The following NECAB2 variants were observed in gnomAD, a reference collection of about 807,000 sequenced individuals.
NECAB2 encodes the protein N-terminal EF-hand calcium-binding protein 2.
In NECAB2, 68 loss-of-function variants were observed where a neutral mutation model predicts 51.9. The ratio of observed to expected loss-of-function variants is 1.31; its 90% CI spans 1.08 to 1.60. The LOEUF (loss-of-function observed/expected upper bound fraction) is 1.60. Among genes scored for constraint, NECAB2 ranks in the 40% most tolerant of loss-of-function variants. The pLI is 0.00. For synonymous variants in NECAB2, 329 were observed against 203.5 expected (o/e 1.62, Z -5.25); for missense variants, 854 against 490.3 (o/e 1.74, Z -7.00).
chr16:83,972,257 A>G, intron 2 of NECAB2, 82 bp downstream of exon 2: 2 of 1,596,752 alleles, frequency 1.3e-6, no homozygotes, highest in Non-Finnish European at 1.7e-6. Context: ...GATAGGAGAC[A>G]AGCGCAACCT....
At chr16:83,992,377 T>TCCCCACCCCCCCCCC (rs1555548085) in intron 6 of NECAB2, among the ~76,000 whole-genome samples, 1 of 133,046 alleles carries the variant, frequency 7.5e-6, no homozygotes, top group African/African-American at 3.2e-5. Flanking sequence ...CGAGCACCCG[T>TCCCCACCCCCCCCCC]CCCCCCGCCC....
intron 11 of NECAB2, 57 bp from the exon 12 acceptor site, chr16:84,001,768 C>A: frequency 6.4e-7 from 1 of 1,573,470 alleles, no homozygotes; most frequent in Non-Finnish European, 8.7e-7. Flanking sequence ...AACAGGGGAG[C>A]CACACGCGGA....
At position 84,000,702 on chromosome 16, in the gene NECAB2, CCCCGA is replaced by C. The variant is rs2084812260; in HGVS notation, c.963-19_963-15del. On this transcript the variant is annotated splice_polypyrimidine_tract_variant and intron_variant, in intron 10 of 12. Transcript: ENST00000305202. ...CCTTGGTTGAGCTCCAGCCTCCTCC[CCCCGA>C]CCATCTCCTGTTGCAGCATCACTGC... 6.2e-7 allele frequency: 1 copy of C among 1,612,770 alleles called. No individual in the cohort carries two copies. The highest frequency in any genetic ancestry group is 2.2e-5 in the East Asian group (1 of 44,860).
chr16:83,974,095 C>T (rs112964751), intron 2 of NECAB2, among the ~76,000 whole-genome samples: 3 of 151,928 alleles, frequency 2.0e-5, no homozygotes, highest in African/African-American at 4.8e-5. Flanking sequence ...CCTCAAAGGC[C>T]GAGCCTGTTC....
chr16:83,994,095 C>A (rs967959409), intron 6 of NECAB2, among the ~76,000 whole-genome samples: 1 of 152,242 alleles, frequency 6.6e-6, no homozygotes, highest in African/African-American at 2.4e-5. Flanking sequence ...CGAATCCCAG[C>A]TCTGCCCAGC....
At chr16:83,976,092 C>T (rs2084406204) in intron 2 of NECAB2, among the ~76,000 whole-genome samples, 1 of 152,162 alleles carries the variant, frequency 6.6e-6, no homozygotes, top group Admixed American at 6.5e-5. Flanking sequence ...CCCAAGGTAC[C>T]TGGACAGGCA....
At chr16:83,978,694 C>A in intron 3 of NECAB2, 142 bp downstream of exon 3, 1 of 665,840 alleles carries the variant, frequency 1.5e-6, no homozygotes. Flanking sequence ...GAAGTCAGCT[C>A]TTCACTGCCT....
At chr16:83,967,752 G>GTGGATGGA (rs1223878998), upstream of NECAB2, among the ~76,000 whole-genome samples, 22 of 131,304 alleles carry the variant, frequency 1.7e-4, no homozygotes, top group Admixed American at 3.0e-4. Context: ...GGATGGGAGG[G>GTGGATGGA]TGGATGGATG....
intron 6 of NECAB2, among the ~76,000 whole-genome samples, chr16:83,991,323 C>G (rs2084622206): frequency 6.6e-6 from 1 of 151,174 alleles, no homozygotes; most frequent in African/African-American, 2.4e-5. Context: ...CTCTCTTTCT[C>G]TCATTCGTTC....
At chr16:83,972,060 A>G (rs2084354867) in intron 1 of NECAB2, 91 bp from the exon 2 acceptor site, 1 of 1,559,452 alleles carries the variant, frequency 6.4e-7, no homozygotes, top group Non-Finnish European at 8.8e-7. Flanking sequence ...TGCTCCTGGG[A>G]GAAGAGAAGG....
Position 84,001,556 on chromosome 16 carries a change from G to GAGGA in NECAB2, c.1041-269_1041-268insAGGA, listed in dbSNP as rs2084836408. On this transcript the variant is annotated intron_variant, in intron 11 of 12. Coordinates refer to ENST00000305202, the MANE Select transcript of NECAB2 (RefSeq NM_019065.3). ...AGGATGGCCCCACTCCTCCTGCTAG[G>GAGGA]GTAAAGGGGGAGGTAGAGGCTCTGT... Among the ~76,000 whole-genome samples, 3 of 152,208 alleles carry GAGGA rather than the reference G, an allele frequency of 2.0e-5. No homozygotes were observed. In the South Asian group the frequency reaches 6.2e-4, roughly 32 times the overall value.
intron 1 of NECAB2, among the ~76,000 whole-genome samples, 169 bp downstream of exon 1, chr16:83,969,018 C>A (rs2084320558): frequency 6.6e-6 from 1 of 151,378 alleles, no homozygotes; most frequent in Non-Finnish European, 1.5e-5. Context: ...CCCGCCACGT[C>A]CAGGCCGGTC....
chr16:83,997,316 G>T (rs1256981134), intron 9 of NECAB2, 47 bp downstream of exon 9: 5 of 1,611,094 alleles, frequency 3.1e-6, no homozygotes, highest in Non-Finnish European at 3.4e-6. Flanking sequence ...CCCTACCCAT[G>T]CCAGGACTGC....
At chr16:83,969,883 CCTTCCTCTCTCCT>C (rs1597190681) in intron 1 of NECAB2, among the ~76,000 whole-genome samples, 1 of 152,200 alleles carries the variant, frequency 6.6e-6, no homozygotes, top group East Asian at 1.9e-4. Flanking sequence ...GGATTCCCTC[CCTTCCTCTCTCCT>C]CTTCCCTGCT....
At chr16:83,996,233 C>A (rs74949485) in intron 8 of NECAB2, among the ~76,000 whole-genome samples, 3,379 of 152,304 alleles carry the variant, frequency 0.022, 74 homozygotes, top group East Asian at 0.075. Flanking sequence ...GGACCCCTCA[C>A]GTATGCTTGT....
chr16:83,981,109 C>T lies in NECAB2; in HGVS notation c.441C>T (p.Ala147=), dbSNP rs1363260484. 2.5e-6 allele frequency: 4 copies of T among 1,613,954 alleles called. No homozygotes were observed. Among genetic ancestry groups the T allele is most frequent in the Non-Finnish European group, 3.4e-6 (4 of 1,179,974 alleles). The part of the protein sequence containing the change: ...LETLNHSVLK[A]MGYTKKVYEG... The stretch of plus-strand genomic sequence containing the variant: ...CCTTGAATCACTCTGTCCTGAAGGC[C>T]ATGGGTTATACCAAGAAGGTCAGTG... The change falls in exon 5 of 13, where the codon GCC becomes GCT. Residue 147 remains alanine (A), a synonymous_variant. Transcript: ENST00000305202.
At chr16:83,991,587 T>C (rs1256166595) in intron 6 of NECAB2, among the ~76,000 whole-genome samples, 13 of 151,196 alleles carry the variant, frequency 8.6e-5, no homozygotes, top group Non-Finnish European at 1.5e-5. Context: ...GGCTGGTCTT[T>C]AGGGTGATCC....
chr16:83,999,986 A>AAAT, intron 10 of NECAB2, among the ~76,000 whole-genome samples: 1 of 152,214 alleles, frequency 6.6e-6, no homozygotes, highest in East Asian at 1.9e-4. Flanking sequence ...CAGAGGGTTT[A>AAAT]AATGAGTCTC....
intron 5 of NECAB2, among the ~76,000 whole-genome samples, chr16:83,987,730 G>C (rs1390827096): frequency 6.6e-6 from 1 of 151,750 alleles, no homozygotes; most frequent in Non-Finnish European, 1.5e-5. Context: ...GCTATTATGA[G>C]TATTACATAG....
Sources: gnomAD v4.1 joint callset for allele counts (sites outside exome capture counted in the v4.1 genomes callset) on GRCh38, gnomAD v4.1.1 for gene constraint, MANE v1.5 for transcripts, NCBI Gene and HGNC (gene_info 2026-07-23, HGNC 2026-07-21) for gene names.